The following KCNQ2 variants were observed in gnomAD, a reference collection of about 807,000 sequenced individuals.
The protein encoded by KCNQ2 is potassium voltage-gated channel subfamily KQT member 2.
KCNQ2 carries 14 observed loss-of-function variants against 84.8 expected under a neutral mutation model. That is an observed-to-expected ratio of 0.17 (90% CI 0.11 to 0.26). The LOEUF is 0.26. Among genes scored for constraint, KCNQ2 ranks in the 10% least tolerant of loss-of-function variants. KCNQ2 has a pLI of 1.00. For synonymous variants in KCNQ2, 599 were observed against 554.1 expected (o/e 1.08, Z -1.14); for missense variants, 788 against 1,254.0 (o/e 0.63, Z 5.61).
intron 1 of KCNQ2, among the ~76,000 whole-genome samples, chr20:63,453,073 C>G (rs1010440789): frequency 2.6e-5 from 4 of 152,210 alleles, no homozygotes; most frequent in African/African-American, 9.6e-5. Flanking sequence ...CCGCCACCCC[C>G]AAGACCACAA....
At chr20:63,457,167 C>T (rs779333447) in intron 1 of KCNQ2, among the ~76,000 whole-genome samples, 29 of 152,252 alleles carry the variant, frequency 1.9e-4, no homozygotes, top group Non-Finnish European at 3.4e-4. Context: ...CACTGCAGAC[C>T]GCCGGGGCTG....
At chr20:63,458,171 G>A (rs1470439914) in intron 1 of KCNQ2, among the ~76,000 whole-genome samples, 2 of 148,388 alleles carry the variant, frequency 1.3e-5, no homozygotes, top group African/African-American at 5.0e-5. Flanking sequence ...GGCATGCCCC[G>A]GCTACCCACT....
intron 7 of KCNQ2, among the ~76,000 whole-genome samples, chr20:63,435,648 G>T (rs1030929480): frequency 6.6e-5 from 10 of 152,220 alleles, no homozygotes; most frequent in African/African-American, 2.4e-4. Flanking sequence ...CAGTGTCAAA[G>T]ACATTCTAAA....
At chr20:63,432,224 CTCCACCCACAGGGAAGGA>C (rs762507183) in intron 8 of KCNQ2, among the ~76,000 whole-genome samples, 8,187 of 142,072 alleles carry the variant, frequency 0.058, 402 homozygotes, top group Admixed American at 0.11. Flanking sequence ...ACAGGGAAGG[CTCCACCCACAGGGAAGGA>C]TCCACCCACA....
chr20:63,441,847 A>G (rs910140348), intron 5 of KCNQ2, among the ~76,000 whole-genome samples: 12 of 152,366 alleles, frequency 7.9e-5, no homozygotes, highest in Non-Finnish European at 1.3e-4. Flanking sequence ...CGCAGGGCTG[A>G]GCCCACTCAG....
chr20:63,406,748 A>T lies in KCNQ2; in HGVS notation c.2515T>A (p.Ser839Thr). 1.2e-6 allele frequency: 2 copies of T among 1,611,164 alleles called. No homozygotes were observed. The highest frequency in any genetic ancestry group is 1.7e-6 in the Non-Finnish European group (2 of 1,179,408). Residue 839 changes from serine (S) to threonine (T), a missense_variant, in exon 17 of 17, where the codon TCA becomes ACA. Physicochemically the swap from Ser to Thr is moderately conservative, Grantham distance 58. Coordinates refer to ENST00000359125, the MANE Select transcript of KCNQ2 (RefSeq NM_172107.4). The stretch of plus-strand genomic sequence containing the variant: ...GTACAGAGGTCGGAGTCGGTGTCTG[A>T]CTCTCCCTCCGCAATGTAGGGCCTG... The part of the protein sequence containing the change: ...KVRPYIAEGE[S>T]DTDSDLCTPC...
In KCNQ2 at chr20:63,402,103, TC is replaced by T. The variant is rs1378448294; in HGVS notation, c.*4540del. The T allele has an allele frequency of 6.6e-6, 1 of 151,446 alleles. No individual in the cohort carries two copies. Among genetic ancestry groups the T allele is most frequent in the East Asian group, 2.1e-4 (1 of 4,716 alleles). 9.4% of individuals were successfully genotyped at this position (151,446 alleles called of 1,614,324 possible). ...TGGCAGGTCCAAGCCCTGTGAGCCG[TC>T]CCTCTCACACCACGTCTGCTGGGCA... On this transcript the variant is annotated 3_prime_UTR_variant, in exon 17 of 17. Transcript: ENST00000359125.
rs2080234490 is a variant in KCNQ2 at position 63,414,848 on chromosome 20, C to T, written c.1525+55G>A. On this transcript the variant is annotated intron_variant, in intron 13 of 16. Transcript: ENST00000359125. The surrounding 1 kb of genome is among the most constrained non-coding windows in gnomAD (Gnocchi z 6.6). The stretch of plus-strand genomic sequence containing the variant: ...CCACAGGGTGGCCACAGTAGCGTGG[C>T]CACCACATCCATCCCCGGAGAGGAT... 2 of 1,566,772 alleles carry T rather than the reference C, an allele frequency of 1.3e-6. No homozygotes were observed. The highest frequency in any genetic ancestry group is 1.4e-5 in the African/African-American group (1 of 73,888).
At position 63,408,314 on chromosome 20, in the gene KCNQ2, C is replaced by T. The variant is rs1234105214; in HGVS notation, c.1887+99G>A. 1.4e-6 allele frequency: 2 copies of T among 1,469,778 alleles called. No individual in the cohort carries two copies. Among genetic ancestry groups the T allele is most frequent in the African/African-American group, 1.4e-5 (1 of 72,120 alleles). The allele number at this position is 1,469,778 out of a possible 1,614,324, so 91.0% of individuals were successfully genotyped here. On this transcript the variant is annotated intron_variant, in intron 16 of 16. Coordinates refer to ENST00000359125, the MANE Select transcript of KCNQ2 (RefSeq NM_172107.4). The surrounding 1 kb of genome is among the most constrained non-coding windows in gnomAD (Gnocchi z 5.0). ...CATGTAAACCCTAGACTTGAGGAGC[C>T]CTCCGTGGCACCCAGCCCCTGAAGC...
intron 10 of KCNQ2, among the ~76,000 whole-genome samples, chr20:63,426,059 CCGTTTCCTAAAGGGCAGCT>C (rs924051361): frequency 3.3e-5 from 5 of 152,338 alleles, no homozygotes; most frequent in African/African-American, 1.2e-4. Flanking sequence ...GGATCGTTCC[CCGTTTCCTAAAGGGCAGCT>C]CGTGTTCACA....
chr20:63,449,563 T>C (rs1004051885), intron 1 of KCNQ2, among the ~76,000 whole-genome samples: 14 of 152,208 alleles, frequency 9.2e-5, no homozygotes, highest in Non-Finnish European at 1.9e-4. Flanking sequence ...GAGGTCAGCA[T>C]TGGCTGTGGT....
chr20:63,472,571 G>C lies in KCNQ2; in HGVS notation c.-108C>G. 4 of 1,009,060 alleles carry C rather than the reference G, an allele frequency of 4.0e-6. No homozygotes were observed. The highest frequency in any genetic ancestry group is 5.0e-6 in the Non-Finnish European group (4 of 801,232). The allele number at this position is 1,009,060 out of a possible 1,614,324, so 62.5% of individuals were successfully genotyped here. ...CCCCCCGGCCGGGAGCCGCATGGCC[G>C]AGGCGGCGGTTCCGCACTCCTGCCG... On this transcript the variant is annotated 5_prime_UTR_variant, in exon 1 of 17. Coordinates refer to ENST00000359125, the MANE Select transcript of KCNQ2 (RefSeq NM_172107.4).
intron 4 of KCNQ2, among the ~76,000 whole-genome samples, chr20:63,443,409 T>C (rs1436202654): frequency 6.9e-4 from 22 of 32,062 alleles, no homozygotes; most frequent in African/African-American, 4.0e-3. Context: ...ATCACCACCA[T>C]CACCATCACC....
intron 1 of KCNQ2, chr20:63,448,281 C>G (rs2081494571): frequency 6.6e-6 from 1 of 152,300 alleles, no homozygotes; most frequent in African/African-American, 2.4e-5. Context: ...ACGTCCAGGT[C>G]CTTCGTCACA....
chr20:63,406,928 C>T lies in KCNQ2; in HGVS notation c.2335G>A (p.Gly779Arg), dbSNP rs1176476484. ...GACGTGTCGCTGTCCCGCAGGTTCC[C>T]CTCGGGGGGCCTGCAGCCCGGGGTG... Reference protein sequence around the residue: ...EDTPGCRPPEGNLRDSDTSIS... With the variant: ...EDTPGCRPPERNLRDSDTSIS... Residue 779 changes from glycine (G) to arginine (R), a missense_variant, in exon 17 of 17, where the codon GGG (glycine) becomes AGG (arginine). Coordinates refer to ENST00000359125, the MANE Select transcript of KCNQ2 (RefSeq NM_172107.4). 6.2e-7 allele frequency: 1 copy of T among 1,601,364 alleles called. No homozygotes were observed. Among genetic ancestry groups the T allele is most frequent in the African/African-American group, 1.3e-5 (1 of 74,818 alleles).
chr20:63,417,057 G>C (rs1056699696), intron 12 of KCNQ2, among the ~76,000 whole-genome samples: 12 of 152,174 alleles, frequency 7.9e-5, no homozygotes, highest in African/African-American at 2.9e-4. Flanking sequence ...GGAGCCGATG[G>C]TACAGGCTCG....
At chr20:63,453,945 C>T (rs1175637545) in intron 1 of KCNQ2, among the ~76,000 whole-genome samples, 1 of 152,090 alleles carries the variant, frequency 6.6e-6, no homozygotes, top group Admixed American at 6.5e-5. Context: ...GAAGGCAGCT[C>T]CTCGGGCTGC....
At chr20:63,415,229 C>G in intron 12 of KCNQ2, 103 bp from the exon 13 acceptor site, 1 of 1,040,418 alleles carries the variant, frequency 9.6e-7, no homozygotes, top group Non-Finnish European at 1.4e-6. Context: ...GCCCATGCGC[C>G]GGAGGGAGAC....
At chr20:63,412,507 G>A (rs1359881882) in intron 15 of KCNQ2, among the ~76,000 whole-genome samples, 2 of 152,236 alleles carry the variant, frequency 1.3e-5, no homozygotes, top group African/African-American at 4.8e-5. Context: ...TGGCTCAGTG[G>A]CCCCTGCACA....
Sources: allele counts gnomAD v4.1 joint callset (sites outside exome capture counted in the v4.1 genomes callset), GRCh38; gene constraint gnomAD v4.1.1; non-coding constraint Gnocchi (gnomAD v3.1); transcripts MANE v1.5; gene names NCBI Gene and HGNC (gene_info 2026-07-23, HGNC 2026-07-21).